The following NRP1 variants were observed in gnomAD, a reference collection of about 807,000 sequenced individuals.
NRP1 encodes neuropilin 1.
A neutral mutation model predicts 106.7 loss-of-function variants in NRP1; 35 were observed. That is an observed-to-expected ratio of 0.33 (90% confidence interval 0.25 to 0.43). NRP1 has a LOEUF of 0.43. NRP1 is among the 20% of genes least tolerant of loss of function. NRP1 has a pLI of 1.00. For synonymous variants in NRP1, 437 were observed against 417.9 expected, an observed-to-expected ratio of 1.05 and a Z score of -0.56; for missense variants, 1,024 against 1,170.4, an observed-to-expected ratio of 0.87 and a Z score of 1.83.
chr10:33,213,626 C>T lies in NRP1; in HGVS notation c.1374G>A (p.Met458Ile), dbSNP rs1302091427. The change falls in exon 9 of 17, where the codon ATG (methionine) becomes ATA (isoleucine). Residue 458 changes from methionine to isoleucine, a missense_variant. By Grantham distance (10) the Met-to-Ile change is conservative. Coordinates refer to ENST00000374867, the MANE Select transcript of NRP1 (RefSeq NM_003873.7). The stretch of plus-strand genomic sequence containing the variant: ...TGGTTACCAGGCGGATGTTTTCAGG[C>T]ATCCAGTTTCTGTCCCCTTGGTTGG... Reference protein sequence around the residue: ...TSSNQGDRNWMPENIRLVTSR... With the variant: ...TSSNQGDRNWIPENIRLVTSR... 2 of 1,614,022 alleles carry T rather than the reference C, an allele frequency of 1.2e-6. No homozygotes were observed. Among genetic ancestry groups the T allele is most frequent in the East Asian group, 2.2e-5 (1 of 44,886 alleles).
intron 2 of NRP1, among the ~76,000 whole-genome samples, chr10:33,301,131 G>A (rs1359992710): frequency 6.6e-6 from 1 of 152,178 alleles, no homozygotes. Flanking sequence ...TATTCAAATA[G>A]GAGAGAGGCT....
chr10:33,312,484 A>C (rs964230484), intron 2 of NRP1, among the ~76,000 whole-genome samples: 1 of 152,248 alleles, frequency 6.6e-6, no homozygotes, highest in Non-Finnish European at 1.5e-5. Flanking sequence ...GTGCTAAGTC[A>C]AATTATGAAA....
In NRP1 at chr10:33,177,726, T is replaced by G. The variant is rs919894715; in HGVS notation, c.*2350A>C. 2.0e-4 allele frequency: 30 copies of G among 152,630 alleles called. No homozygotes were observed. The highest frequency in any genetic ancestry group is 6.0e-4 in the African/African-American group (25 of 41,448). The allele number at this position is 152,630 out of a possible 1,614,324, so 9.5% of individuals were successfully genotyped here. ...TAAAAAAAATCTGCACAAAATCTTA[T>G]GATGGTACAAAACATGAAGCAATAA... On this transcript the variant is annotated 3_prime_UTR_variant, in exon 17 of 17. Coordinates refer to ENST00000374867, the MANE Select transcript of NRP1 (RefSeq NM_003873.7).
At chr10:33,248,233 C>T (rs921472903) in intron 6 of NRP1, among the ~76,000 whole-genome samples, 17 of 151,926 alleles carry the variant, frequency 1.1e-4, no homozygotes, top group African/African-American at 4.1e-4. Context: ...GAGGTTGCAG[C>T]GAGCCAAGAT....
intron 7 of NRP1, among the ~76,000 whole-genome samples, chr10:33,224,217 A>G (rs953776403): frequency 1.3e-5 from 2 of 152,140 alleles, no homozygotes; most frequent in Non-Finnish European, 2.9e-5. Context: ...CTCCTTCCTT[A>G]TTCCTTCTGC....
Position 33,213,436 on chromosome 10 carries a change from T to C in NRP1, c.1564A>G (p.Asn522Asp). Residue 522 changes from asparagine to aspartate, a missense_variant, in exon 9 of 17, where the codon AAC (asparagine) becomes GAC (aspartate). By Grantham distance (23) the Asn-to-Asp change is conservative (BLOSUM62 1). This residue lies in a region of NRP1 where 562 missense variants were observed against 620.3 expected (regional missense o/e 0.91). Coordinates refer to ENST00000374867, the MANE Select transcript of NRP1 (RefSeq NM_003873.7). Reference protein sequence around the residue: ...MRKFKIGYSNNGSDWKMIMDD... With the variant: ...MRKFKIGYSNDGSDWKMIMDD... ...ATGATCATCTTCCAGTCCGAGCCGT[T>C]GTTGCTGTACCCGATCTTGAACTTC... The C allele has an allele frequency of 6.2e-7, 1 of 1,613,992 alleles. No homozygotes were observed. The highest frequency in any genetic ancestry group is 8.5e-7 in the Non-Finnish European group (1 of 1,180,010).
At chr10:33,195,672 TC>T in intron 12 of NRP1, 1 of 470,274 alleles carries the variant, frequency 2.1e-6, no homozygotes, top group South Asian at 1.6e-5. Flanking sequence ...CATGCTCAAG[TC>T]CCCATGCAAT....
intron 6 of NRP1, among the ~76,000 whole-genome samples, chr10:33,245,519 G>A (rs998039023): frequency 2.6e-5 from 4 of 152,290 alleles, no homozygotes; most frequent in Middle Eastern, 3.4e-3. Flanking sequence ...TTTCATAGGC[G>A]TCATTTGCCA....
intron 2 of NRP1, among the ~76,000 whole-genome samples, chr10:33,305,195 T>C (rs1194602465): frequency 6.6e-6 from 1 of 152,250 alleles, no homozygotes; most frequent in Non-Finnish European, 1.5e-5. Flanking sequence ...GATGGCACTT[T>C]ACAAACATAT....
intron 2 of NRP1, among the ~76,000 whole-genome samples, chr10:33,298,545 G>GA (rs1845576891): frequency 6.6e-6 from 1 of 152,102 alleles, no homozygotes; most frequent in Non-Finnish European, 1.5e-5. Flanking sequence ...ATGAAGACAA[G>GA]AACTCCGCAA....
intron 6 of NRP1, among the ~76,000 whole-genome samples, chr10:33,237,487 G>GCGCGCGCACGCA (rs1554788780): frequency 2.8e-5 from 4 of 144,758 alleles, no homozygotes; most frequent in African/African-American, 5.2e-5. Flanking sequence ...ACATGCGCGC[G>GCGCGCGCACGCA]CACACACACA....
chr10:33,230,532 T>C (rs1184491590), intron 6 of NRP1, among the ~76,000 whole-genome samples: 1 of 151,944 alleles, frequency 6.6e-6, no homozygotes, highest in East Asian at 1.9e-4. Flanking sequence ...CAGTGGAGAC[T>C]GAGATAAAAT....
At chr10:33,327,659 G>T (rs1409837004) in intron 2 of NRP1, among the ~76,000 whole-genome samples, 2 of 147,970 alleles carry the variant, frequency 1.4e-5, no homozygotes, top group East Asian at 3.9e-4. Flanking sequence ...GGTGTTCCCA[G>T]GTTTTTTTTT....
chr10:33,305,720 G>A (rs747612228), intron 2 of NRP1, among the ~76,000 whole-genome samples: 13 of 151,296 alleles, frequency 8.6e-5, no homozygotes, highest in Non-Finnish European at 1.8e-4. Flanking sequence ...CTATGATAAC[G>A]GGAACACAAT....
At chr10:33,252,996 G>GT (rs35881919) in intron 6 of NRP1, among the ~76,000 whole-genome samples, 39,717 of 144,724 alleles carry the variant, frequency 0.27, 7,089 homozygotes, top group African/African-American at 0.51. Context: ...TCATCTTGTG[G>GT]TTTTTTTTTT....
At chr10:33,185,837 G>A in intron 14 of NRP1, 113 bp from the exon 15 acceptor site, 1 of 915,268 alleles carries the variant, frequency 1.1e-6, no homozygotes, top group South Asian at 1.5e-5. Flanking sequence ...ATCAGATTCA[G>A]CGTAACACAG....
At chr10:33,328,285 G>A (rs933093912) in intron 2 of NRP1, among the ~76,000 whole-genome samples, 1 of 143,216 alleles carries the variant, frequency 7.0e-6, no homozygotes, top group Non-Finnish European at 1.5e-5. Flanking sequence ...ATTATTTAAG[G>A]TTTACTGTGA....
At chr10:33,214,073 A>G (rs1342676370) in intron 8 of NRP1, among the ~76,000 whole-genome samples, 1 of 152,174 alleles carries the variant, frequency 6.6e-6, no homozygotes, top group East Asian at 1.9e-4. Context: ...TTTATGATGG[A>G]TTGGAGATAT....
intron 2 of NRP1, among the ~76,000 whole-genome samples, chr10:33,301,218 G>A (rs937918421): frequency 1.3e-5 from 2 of 152,190 alleles, no homozygotes; most frequent in African/African-American, 4.8e-5. Context: ...TGAATGTCGA[G>A]GGCTTGACAG....
Sources: allele counts gnomAD v4.1 joint callset (sites outside exome capture counted in the v4.1 genomes callset), GRCh38; gene constraint gnomAD v4.1.1; regional missense constraint gnomAD v4.1.1; transcripts MANE v1.5; gene names NCBI Gene and HGNC (gene_info 2026-07-23, HGNC 2026-07-21).